The following TCF4 variants were observed in gnomAD, a reference collection of about 807,000 sequenced individuals.
The protein encoded by TCF4 is SL3-3 enhancer factor 2.
Under a neutral mutation model 82.1 loss-of-function variants are expected in TCF4, and 3 were observed. That is an observed-to-expected ratio of 0.04 (90% confidence interval 0.02 to 0.09). The LOEUF is 0.09. Among genes scored for constraint, TCF4 ranks in the 10% least tolerant of loss-of-function variants. The pLI is 1.00. For synonymous variants in TCF4, 276 were observed against 309.6 expected (o/e 0.89, Z 1.14); for missense variants, 518 against 852.7 (o/e 0.61, Z 4.89).
upstream of TCF4, among the ~76,000 whole-genome samples, chr18:55,590,432 T>C (rs987057679): frequency 6.6e-6 from 1 of 152,224 alleles, no homozygotes; most frequent in African/African-American, 2.4e-5. Flanking sequence ...CCTTCATCTA[T>C]TGCTTTGTAG....
intron 2 of TCF4, among the ~76,000 whole-genome samples, chr18:55,614,431 A>T (rs2147969333): frequency 6.6e-6 from 1 of 152,236 alleles, no homozygotes; most frequent in East Asian, 1.9e-4. Context: ...ACATCCCTAA[A>T]GCATAAGATA....
chr18:55,402,684 A>C (rs1278235504), intron 6 of TCF4, among the ~76,000 whole-genome samples: 2 of 152,216 alleles, frequency 1.3e-5, no homozygotes, highest in East Asian at 3.8e-4. Flanking sequence ...ACTGAAAAAG[A>C]AAGCATCTAT....
At chr18:55,377,415 T>G (rs921040359) in intron 6 of TCF4, among the ~76,000 whole-genome samples, 1 of 152,326 alleles carries the variant, frequency 6.6e-6, no homozygotes, top group South Asian at 2.1e-4. Context: ...CTCTACCTAA[T>G]GGACACGTTT....
chr18:55,402,497 A>G (rs1457632660), intron 6 of TCF4, among the ~76,000 whole-genome samples: 1 of 151,016 alleles, frequency 6.6e-6, no homozygotes, highest in African/African-American at 2.4e-5. Context: ...CAGCATTTGA[A>G]AAAAAAAAAG....
chr18:55,408,924 T>C (rs1011682959), intron 5 of TCF4, among the ~76,000 whole-genome samples: 3 of 152,256 alleles, frequency 2.0e-5, no homozygotes, highest in Admixed American at 6.5e-5. Flanking sequence ...AATGAAAGTG[T>C]CTTATAGGCA....
At chr18:55,522,314 G>A (rs1334382384) in intron 3 of TCF4, among the ~76,000 whole-genome samples, 1 of 152,054 alleles carries the variant, frequency 6.6e-6, no homozygotes, top group African/African-American at 2.4e-5. Flanking sequence ...GCGTCCTAAA[G>A]TTTAACATGT....
intron 5 of TCF4, among the ~76,000 whole-genome samples, chr18:55,460,696 T>G (rs1294645872): frequency 6.6e-6 from 1 of 152,220 alleles, no homozygotes; most frequent in Non-Finnish European, 1.5e-5. Flanking sequence ...TTCACCACTT[T>G]GACTTCATCT....
At chr18:55,293,948 T>TTTTTTTTTTTTTTTTTTTTG (rs2065789545) in intron 8 of TCF4, among the ~76,000 whole-genome samples, 1 of 130,504 alleles carries the variant, frequency 7.7e-6, no homozygotes, top group Non-Finnish European at 1.7e-5. Flanking sequence ...TTTTTTTTTT[T>TTTTTTTTTTTTTTTTTTTTG]TTTTTTTTTT....
intron 8 of TCF4, among the ~76,000 whole-genome samples, chr18:55,317,958 T>C (rs1208100965): frequency 6.6e-6 from 1 of 152,094 alleles, no homozygotes; most frequent in African/African-American, 2.4e-5. Flanking sequence ...ATTTGATGAT[T>C]TGACAAATAA....
At chr18:55,530,754 T>G (rs2097053761) in intron 3 of TCF4, among the ~76,000 whole-genome samples, 1 of 152,010 alleles carries the variant, frequency 6.6e-6, no homozygotes, top group Admixed American at 6.5e-5. Context: ...TGTTCAAAAT[T>G]AACAGCAAAC....
intron 6 of TCF4, among the ~76,000 whole-genome samples, chr18:55,375,342 C>T (rs1044581822): frequency 2.0e-5 from 3 of 152,004 alleles, no homozygotes; most frequent in East Asian, 3.8e-4. Flanking sequence ...CTACTATATA[C>T]ATATATCTCT....
rs1599233254 is a variant in TCF4, at chr18:55,222,605, G to GCAA, written c.*5429_*5430insTTG. On this transcript the variant is annotated 3_prime_UTR_variant, in exon 20 of 20. Transcript: ENST00000354452. Reference sequence around the variant, plus strand: ...TAGAAAGAATACAAGAGCAATATTGGAGACATCCCCAAATACCACGTACTT... The same window carrying GCAA: ...TAGAAAGAATACAAGAGCAATATTGGCAAAGACATCCCCAAATACCACGTACTT... The GCAA allele has an allele frequency of 6.5e-6, 1 of 152,672 alleles. No homozygotes were observed. Among genetic ancestry groups the GCAA allele is most frequent in the East Asian group, 1.9e-4 (1 of 5,186 alleles). 9.5% of individuals were successfully genotyped at this position (152,672 alleles called of 1,614,324 possible).
chr18:55,592,049 T>C (rs921655327), upstream of TCF4, among the ~76,000 whole-genome samples: 1 of 152,216 alleles, frequency 6.6e-6, no homozygotes, highest in Non-Finnish European at 1.5e-5. Flanking sequence ...TAAATACTTA[T>C]TCTGTCACAG....
chr18:55,357,429 G>A (rs542436924), intron 6 of TCF4, among the ~76,000 whole-genome samples: 1 of 152,170 alleles, frequency 6.6e-6, no homozygotes, highest in Non-Finnish European at 1.5e-5. Flanking sequence ...ACTATGTAGT[G>A]AGTTGATATG....
intron 5 of TCF4, among the ~76,000 whole-genome samples, chr18:55,440,720 G>A (rs747448776): frequency 6.6e-6 from 1 of 152,146 alleles, no homozygotes; most frequent in Non-Finnish European, 1.5e-5. Context: ...ACATCTTCCT[G>A]TAATCATGCC....
upstream of TCF4, chr18:55,588,439 C>CA: frequency 6.5e-7 from 1 of 1,534,760 alleles, no homozygotes; most frequent in Non-Finnish European, 8.7e-7. Context: ...CCCGCCTCGC[C>CA]AAAAAATACA....
At chr18:55,515,040 A>G (rs1290041726) in intron 3 of TCF4, among the ~76,000 whole-genome samples, 1 of 152,176 alleles carries the variant, frequency 6.6e-6, no homozygotes, top group Non-Finnish European at 1.5e-5. Flanking sequence ...AAGGATGAAA[A>G]TAACTTCAGC....
At chr18:55,598,510 CA>C (rs2097693545) in intron 2 of TCF4, among the ~76,000 whole-genome samples, 1 of 152,110 alleles carries the variant, frequency 6.6e-6, no homozygotes, top group Admixed American at 6.6e-5. Flanking sequence ...AGGATGATCA[CA>C]TGGTGGCAGT....
rs1279566919 is a variant in TCF4, at chr18:55,227,703, G to A, written c.*332C>T. ...ATTTTTTTTTTCCAAAAGAAGTTTA[G>A]GCACAAATGCATTGTTCCACAGTGT... On this transcript the variant is annotated 3_prime_UTR_variant, in exon 20 of 20. Coordinates refer to ENST00000354452, the MANE Select transcript of TCF4 (RefSeq NM_001083962.2). 1.3e-5 allele frequency: 2 copies of A among 151,552 alleles called. No homozygotes were observed. Among genetic ancestry groups the A allele is most frequent in the Admixed American group, 6.6e-5 (1 of 15,172 alleles). The allele number at this position is 151,552 out of a possible 1,614,324, so 9.4% of individuals were successfully genotyped here.
Sources: gnomAD v4.1 joint callset for allele counts (sites outside exome capture counted in the v4.1 genomes callset) on GRCh38, gnomAD v4.1.1 for gene constraint, MANE v1.5 for transcripts, NCBI Gene and HGNC (gene_info 2026-07-23, HGNC 2026-07-21) for gene names.